APBB1IP: variants seen among roughly 807,000 people sequenced by gnomAD.
APBB1IP encodes the protein amyloid beta precursor protein binding family B member 1 interacting protein, also known as amyloid beta A4 precursor protein-binding family B member 1-interacting protein.
Under a neutral mutation model 64.9 loss-of-function variants are expected in APBB1IP, and 27 were observed. The ratio of observed to expected loss-of-function variants is 0.42; its 90% CI spans 0.31 to 0.57. The LOEUF (loss-of-function observed/expected upper bound fraction) is 0.57, where lower values mean the gene tolerates loss of function less well. Among genes scored for constraint, APBB1IP ranks in the 20% least tolerant of loss-of-function variants. APBB1IP has a pLI of 0.20. For synonymous variants in APBB1IP, 392 were observed against 331.0 expected, an observed-to-expected ratio of 1.18 and a Z score of -2.00; for missense variants, 812 against 845.5, an observed-to-expected ratio of 0.96 and a Z score of 0.49.
intron 8 of APBB1IP, among the ~76,000 whole-genome samples, chr10:26,517,109 A>G (rs1462816883): frequency 6.6e-6 from 1 of 152,178 alleles, no homozygotes; most frequent in African/African-American, 2.4e-5. Context: ...AGTTTCTCCA[A>G]TGTTTTCAAC....
chr10:26,442,614 G>A (rs1835349394), intron 2 of APBB1IP, among the ~76,000 whole-genome samples: 1 of 152,146 alleles, frequency 6.6e-6, no homozygotes, highest in African/African-American at 2.4e-5. Context: ...TAGAGCAAGT[G>A]AATCATGACT....
intron 2 of APBB1IP, among the ~76,000 whole-genome samples, chr10:26,472,934 C>CAAAAAAAAAA (rs879867349): frequency 1.3e-5 from 2 of 149,026 alleles, no homozygotes; most frequent in African/African-American, 5.0e-5. Context: ...GAGACTTCAT[C>CAAAAAAAAAA]AAAAACAAAA....
intron 6 of APBB1IP, 55 bp downstream of exon 6, chr10:26,503,329 T>A: frequency 6.3e-7 from 1 of 1,575,924 alleles, no homozygotes; most frequent in East Asian, 2.2e-5. Flanking sequence ...CCTGTGATTA[T>A]GCTTAATGAT....
At chr10:26,452,596 T>C (rs1439353735) in intron 2 of APBB1IP, among the ~76,000 whole-genome samples, 1 of 152,234 alleles carries the variant, frequency 6.6e-6, no homozygotes, top group African/African-American at 2.4e-5. Context: ...TCTCATAGAA[T>C]TGTTTTGAGA....
intron 5 of APBB1IP, among the ~76,000 whole-genome samples, chr10:26,502,641 CAA>C (rs201019385): frequency 6.6e-5 from 7 of 105,768 alleles, no homozygotes; most frequent in Admixed American, 9.9e-5. Context: ...GACTCCATCT[CAA>C]AAAAAAAAAA....
At chr10:26,519,466 G>A (rs1836375645) in intron 8 of APBB1IP, among the ~76,000 whole-genome samples, 1 of 152,098 alleles carries the variant, frequency 6.6e-6, no homozygotes, top group South Asian at 2.1e-4. Context: ...GAGAGAAGGG[G>A]CATGCAACAT....
At chr10:26,484,299 GT>G (rs1369722898) in intron 2 of APBB1IP, among the ~76,000 whole-genome samples, 30 of 135,430 alleles carry the variant, frequency 2.2e-4, no homozygotes, top group Admixed American at 2.1e-3. Context: ...CCACTTGTTT[GT>G]TTTGTTTTGT....
rs535431569 is a variant in APBB1IP at position 26,529,952 on chromosome 10, A to T, written c.814-3487A>T. ...CACCGCACCCGGGTTTGGAGTCTTCATTATGCTCTCTGTTCATGCTTCCAG... is the reference window on the plus strand; with the variant it reads ...CACCGCACCCGGGTTTGGAGTCTTCTTTATGCTCTCTGTTCATGCTTCCAG... On this transcript the variant is annotated intron_variant, in intron 8 of 14. Coordinates refer to ENST00000376236, the MANE Select transcript of APBB1IP (RefSeq NM_019043.4). 1.1e-4 allele frequency among the ~76,000 whole-genome samples: 17 copies of T among 152,142 alleles called. No homozygotes were observed. The East Asian group carries it at 3.3e-3, about 29-fold the overall frequency.
chr10:26,501,445 T>C (rs550820046), intron 5 of APBB1IP: 40 of 495,746 alleles, frequency 8.1e-5, no homozygotes, highest in African/African-American at 7.6e-4. Flanking sequence ...TATATTTCCA[T>C]GTCCCTGTTC....
chr10:26,441,897 C>T (rs1323714518), intron 2 of APBB1IP, among the ~76,000 whole-genome samples: 2 of 152,174 alleles, frequency 1.3e-5, no homozygotes, highest in African/African-American at 2.4e-5. Context: ...CTTATAAATA[C>T]TACCAGGCCC....
intron 2 of APBB1IP, among the ~76,000 whole-genome samples, chr10:26,457,373 C>T (rs910375600): frequency 3.9e-5 from 6 of 152,212 alleles, no homozygotes; most frequent in African/African-American, 1.4e-4. Flanking sequence ...CTCTTGGCCT[C>T]AAGCAATCCT....
At position 26,490,318 on chromosome 10, in the gene APBB1IP, T is replaced by G. The variant is rs555698927; in HGVS notation, c.1-2009T>G. On this transcript the variant is annotated intron_variant, in intron 2 of 14. Transcript: ENST00000376236. ...ACATGAAGAGATAATAGTATTATGT[T>G]TATGATTTAGAAAGTATCTTTATGG... Among the ~76,000 whole-genome samples, 3 of 152,274 alleles carry G rather than the reference T, an allele frequency of 2.0e-5. No individual in the cohort carries two copies. The South Asian group carries it at 6.2e-4, about 32-fold the overall frequency.
intron 8 of APBB1IP, among the ~76,000 whole-genome samples, chr10:26,524,027 A>G (rs527801451): frequency 7.2e-5 from 11 of 152,202 alleles, no homozygotes; most frequent in Non-Finnish European, 1.5e-4. Flanking sequence ...CCCCTAAACT[A>G]TGGCACCGTG....
chr10:26,536,075 A>G lies in APBB1IP; in HGVS notation c.902A>G (p.Glu301Gly), dbSNP rs761123781. The change falls in exon 10 of 15, where the codon GAA becomes GGA. Residue 301 changes from glutamate (E) to glycine (G), a missense_variant and splice_region_variant. Glu to Gly is a moderately conservative substitution (Grantham distance 98). Around this residue, in one of 3 missense-constraint regions of APBB1IP, gnomAD observed 394 missense variants for 413.1 expected, o/e 0.95. Transcript: ENST00000376236. ...NAKNKESLLE[E>G]SFCGTSIIVP... ...ATGTCGTCGGAATCTCACTTTCAGGAAAGTTTCTGTGGAACATCTATCATT... is the reference window on the plus strand; with the variant it reads ...ATGTCGTCGGAATCTCACTTTCAGGGAAGTTTCTGTGGAACATCTATCATT... The G allele has an allele frequency of 1.9e-6, 3 of 1,582,104 alleles. No individual in the cohort carries two copies. The highest frequency in any genetic ancestry group is 2.0e-5 in the Admixed American group (1 of 50,622).
intron 2 of APBB1IP, among the ~76,000 whole-genome samples, chr10:26,439,169 G>T (rs564836106): frequency 1.2e-4 from 19 of 152,240 alleles, no homozygotes; most frequent in African/African-American, 4.3e-4. Flanking sequence ...GTCAAACGGG[G>T]AACTGCTATG....
intron 6 of APBB1IP, among the ~76,000 whole-genome samples, chr10:26,510,219 C>T (rs1202328380): frequency 1.3e-5 from 2 of 152,170 alleles, no homozygotes; most frequent in Non-Finnish European, 2.9e-5. Flanking sequence ...CTGTCCACCT[C>T]GGCCTCCCAA....
rs749107443 is a variant in APBB1IP, at chr10:26,533,291, G to T, written c.814-148G>T. The T allele has an allele frequency of 1.1e-4, 50 of 450,748 alleles. 1 individual carries two copies. The highest frequency in any genetic ancestry group is 1.8e-4 in the Non-Finnish European group (44 of 250,880). The allele number at this position is 450,748 out of a possible 1,614,324, so 27.9% of individuals were successfully genotyped here. A position where few individuals can be genotyped will look rare whatever the true frequency, so the allele number is the denominator to read the frequency against. The stretch of plus-strand genomic sequence containing the variant: ...CAATGTGGTATCAGCATTTGGGAAG[G>T]CTCTGATGGTTGACTGATATCATAT... On this transcript the variant is annotated intron_variant, in intron 8 of 14. Coordinates refer to ENST00000376236, the MANE Select transcript of APBB1IP (RefSeq NM_019043.4).
chr10:26,495,631 A>G (rs920949785), intron 3 of APBB1IP, among the ~76,000 whole-genome samples: 1 of 150,126 alleles, frequency 6.7e-6, no homozygotes, highest in Non-Finnish European at 1.5e-5. Context: ...AAAAAAGAAT[A>G]GGAAAGAGGC....
At chr10:26,520,189 C>T (rs1469134219) in intron 8 of APBB1IP, among the ~76,000 whole-genome samples, 1 of 152,200 alleles carries the variant, frequency 6.6e-6, no homozygotes, top group Non-Finnish European at 1.5e-5. Context: ...TGCTTACTTG[C>T]TTTCTGCTTT....
Sources: gnomAD v4.1 joint callset for allele counts (sites outside exome capture counted in the v4.1 genomes callset) on GRCh38, gnomAD v4.1.1 for gene constraint, gnomAD v4.1.1 regional missense constraint, MANE v1.5 for transcripts, NCBI Gene and HGNC (gene_info 2026-07-23, HGNC 2026-07-21) for gene names.